Variants in RELN observed in about 807,000 individuals in gnomAD.
RELN encodes reelin.
Under a neutral mutation model 427.6 loss-of-function variants are expected in RELN, and 108 were observed. The ratio of observed to expected loss-of-function variants is 0.25; its 90% CI spans 0.22 to 0.30. The LOEUF (loss-of-function observed/expected upper bound fraction) is 0.30. Ranked by LOEUF, RELN falls within the 10% of genes least tolerant of loss-of-function variation. The pLI, the probability that RELN is intolerant of heterozygous loss-of-function variation, is 1.00. For missense variants in RELN, 3,715 were observed against 4,302.8 expected, an observed-to-expected ratio of 0.86 and a Z score of 3.82; for synonymous variants, 1,524 against 1,513.4, an observed-to-expected ratio of 1.01 and a Z score of -0.16.
At chr7:103,917,311 T>C in intron 1 of RELN, 126 bp from the exon 2 acceptor site, 2 of 737,610 alleles carry the variant, frequency 2.7e-6, no homozygotes, top group Admixed American at 4.9e-5. Context: ...CTATACCTAG[T>C]TGGTATTTTT....
chr7:103,670,318 T>C (rs987375442), intron 11 of RELN, among the ~76,000 whole-genome samples: 9 of 152,156 alleles, frequency 5.9e-5, no homozygotes, highest in African/African-American at 2.2e-4. Context: ...GTTTTCCTTT[T>C]CCTTTTAGGA....
chr7:103,938,600 C>G (rs940799867), intron 1 of RELN, among the ~76,000 whole-genome samples: 11 of 152,290 alleles, frequency 7.2e-5, no homozygotes, highest in African/African-American at 2.6e-4. Context: ...CTAATAATAA[C>G]TGAATTATCT....
intron 20 of RELN, among the ~76,000 whole-genome samples, chr7:103,614,748 C>T (rs7783216): frequency 0.27 from 40,570 of 152,028 alleles, 5,912 homozygotes; most frequent in Middle Eastern, 0.39. Flanking sequence ...GAGCTGAACG[C>T]ATTTCTAAGT....
chr7:103,846,171 C>T (rs1049670526), intron 2 of RELN, among the ~76,000 whole-genome samples: 1 of 152,174 alleles, frequency 6.6e-6, no homozygotes, highest in Non-Finnish European at 1.5e-5. Flanking sequence ...TGCTACCTGA[C>T]TTCAAACTAT....
At chr7:103,750,551 C>A (rs747292269) in intron 5 of RELN, among the ~76,000 whole-genome samples, 4 of 152,168 alleles carry the variant, frequency 2.6e-5, no homozygotes, top group Non-Finnish European at 5.9e-5. Context: ...GCCCAGACAG[C>A]GTCAGTGTCT....
intron 2 of RELN, among the ~76,000 whole-genome samples, chr7:103,887,192 C>G (rs1794742605): frequency 1.3e-5 from 2 of 152,204 alleles, no homozygotes; most frequent in Admixed American, 1.3e-4. Context: ...AATTTAGAAA[C>G]TACTTCCTCT....
At chr7:103,715,641 T>TC (rs1193949785) in intron 8 of RELN, among the ~76,000 whole-genome samples, 1 of 152,156 alleles carries the variant, frequency 6.6e-6, no homozygotes, top group African/African-American at 2.4e-5. Context: ...TGTGCCTTTC[T>TC]CCCTTCCAGT....
At chr7:103,505,275 G>C (rs1258906451) in intron 51 of RELN, among the ~76,000 whole-genome samples, 2 of 152,162 alleles carry the variant, frequency 1.3e-5, no homozygotes, top group African/African-American at 2.4e-5. Context: ...CTGATTGGGA[G>C]ACACCTCCCA....
intron 3 of RELN, among the ~76,000 whole-genome samples, chr7:103,785,202 G>T (rs1324712232): frequency 2.6e-5 from 4 of 152,052 alleles, no homozygotes; most frequent in East Asian, 3.9e-4. Flanking sequence ...AAATAAAAAT[G>T]CTTTCCACAC....
intron 2 of RELN, among the ~76,000 whole-genome samples, chr7:103,868,687 G>A (rs1251407039): frequency 1.3e-5 from 2 of 151,972 alleles, no homozygotes; most frequent in Admixed American, 1.3e-4. Context: ...CTTGGCTTTG[G>A]CTATTTCTCT....
rs779693262 is a variant in RELN, at chr7:103,561,723, G to T, written c.5352-14C>A. 41 of 1,613,712 alleles carry T rather than the reference G, an allele frequency of 2.5e-5. No individual in the cohort carries two copies. The highest frequency in any genetic ancestry group is 3.4e-5 in the Non-Finnish European group (40 of 1,179,918). On this transcript the variant is annotated splice_polypyrimidine_tract_variant and intron_variant, in intron 35 of 64. Transcript: ENST00000428762. ...CCCCGGTCACACCTAAGAAAGAGAG[G>T]GAGTGGAGAAAAGACATTTGTCACA...
chr7:103,506,794 CAT>C (rs1829229005), intron 51 of RELN, among the ~76,000 whole-genome samples: 2 of 151,334 alleles, frequency 1.3e-5, no homozygotes, highest in Admixed American at 1.3e-4. Flanking sequence ...AGACCCATCT[CAT>C]GTGCAAAGAC....
chr7:103,641,620 A>G (rs2117364513), intron 16 of RELN, among the ~76,000 whole-genome samples: 1 of 152,308 alleles, frequency 6.6e-6, no homozygotes, highest in East Asian at 1.9e-4. Flanking sequence ...AACCCTCAAT[A>G]TTCCTATTCC....
At chr7:103,714,146 C>T (rs889055547) in intron 8 of RELN, among the ~76,000 whole-genome samples, 1 of 152,122 alleles carries the variant, frequency 6.6e-6, no homozygotes, top group Middle Eastern at 3.2e-3. Context: ...TCTCCTAGTA[C>T]AAAAACCTAT....
At chr7:103,588,010 A>G (rs6979490) in intron 28 of RELN, among the ~76,000 whole-genome samples, 25,958 of 152,170 alleles carry the variant, frequency 0.17, 2,370 homozygotes, top group East Asian at 0.35. Context: ...TAAAATTACC[A>G]TATGATCCAG....
intron 2 of RELN, 108 bp from the exon 3 acceptor site, chr7:103,833,780 C>T (rs987126133): frequency 5.6e-6 from 6 of 1,071,950 alleles, no homozygotes. Context: ...AGGTTCTATG[C>T]TATTTGGCTT....
rs749735907 is a variant in RELN at position 103,566,373 on chromosome 7, A to G, written c.4787T>C (p.Ile1596Thr). 1.2e-6 allele frequency: 2 copies of G among 1,614,148 alleles called. No individual in the cohort carries two copies. Among genetic ancestry groups the G allele is most frequent in the South Asian group, 2.2e-5 (2 of 91,086 alleles). Reference sequence around the variant, plus strand: ...AGTTTGAGAGCTGTCATTCATTCCTATAAGAACATCATCCAAAGCCCACTG... The same window carrying G: ...AGTTTGAGAGCTGTCATTCATTCCTGTAAGAACATCATCCAAAGCCCACTG... ...SAQWALDDVL[I>T]GMNDSSQTGF... Residue 1596 changes from isoleucine (I) to threonine (T), a missense_variant, in exon 33 of 65, where the codon ATA (isoleucine) becomes ACA (threonine). Ile to Thr is a moderately conservative substitution (Grantham distance 89). This residue lies in a region of RELN where 2,208 missense variants were observed against 2,361.7 expected (regional missense o/e 0.93). Transcript: ENST00000428762.
intron 4 of RELN, among the ~76,000 whole-genome samples, chr7:103,756,883 A>G (rs917152579): frequency 3.3e-5 from 5 of 152,226 alleles, no homozygotes; most frequent in Admixed American, 2.0e-4. Context: ...AAAAAGATTC[A>G]CGCATATGTG....
At chr7:103,507,885 G>A (rs577449655) in intron 51 of RELN, among the ~76,000 whole-genome samples, 23 of 152,048 alleles carry the variant, frequency 1.5e-4, no homozygotes, top group African/African-American at 3.4e-4. Flanking sequence ...ACAAACTACC[G>A]TCAGAGAATA....
Sources: gnomAD v4.1 joint callset for allele counts (sites outside exome capture counted in the v4.1 genomes callset) on GRCh38, gnomAD v4.1.1 for gene constraint, gnomAD v4.1.1 regional missense constraint, MANE v1.5 for transcripts, NCBI Gene and HGNC (gene_info 2026-07-23, HGNC 2026-07-21) for gene names.